NAAA: variants seen among roughly 807,000 people sequenced by gnomAD.
NAAA encodes the protein N-acylethanolamine acid amidase, also known as N-acylethanolamine-hydrolyzing acid amidase.
NAAA carries 39 observed loss-of-function variants against 44.8 expected under a neutral mutation model. The ratio of observed to expected loss-of-function variants is 0.87; its 90% confidence interval spans 0.67 to 1.14. NAAA has a LOEUF of 1.14. Ranked by LOEUF, NAAA falls within the 50% of genes most tolerant of loss-of-function variation. The pLI, the probability that NAAA is intolerant of heterozygous loss-of-function variation, is 0.00. For synonymous variants in NAAA, 178 were observed against 191.3 expected (o/e 0.93, Z 0.58); for missense variants, 460 against 467.8 (o/e 0.98, Z 0.15).
intron 1 of NAAA, 56 bp from the exon 2 acceptor site, chr4:75,940,221 C>T: frequency 6.4e-7 from 1 of 1,573,762 alleles, no homozygotes; most frequent in Non-Finnish European, 8.7e-7. Flanking sequence ...CGGCGTGCGA[C>T]TGCGTGTGCA....
At chr4:75,917,804 TA>T (rs1725771928) in intron 9 of NAAA, 1 of 418,972 alleles carries the variant, frequency 2.4e-6, no homozygotes, top group Non-Finnish European at 4.7e-6. Flanking sequence ...AAAAAGAAAT[TA>T]AAAAGAATGT....
intron 1 of NAAA, 123 bp downstream of exon 1, chr4:75,940,621 A>G: frequency 8.6e-7 from 1 of 1,159,108 alleles, no homozygotes; most frequent in Admixed American, 2.9e-5. Flanking sequence ...GGCAGCCAAA[A>G]CCAGTTCTCC....
At chr4:75,926,482 A>G (rs1726701379) in intron 4 of NAAA, among the ~76,000 whole-genome samples, 1 of 146,432 alleles carries the variant, frequency 6.8e-6, no homozygotes, top group Non-Finnish European at 1.5e-5. Context: ...AATTGCTTGA[A>G]CCTGGGAGGC....
Position 75,925,717 on chromosome 4 carries a change from C to T in NAAA, c.666+18G>A, listed in dbSNP as rs1328039738. On this transcript the variant is annotated intron_variant, in intron 5 of 10. Coordinates refer to ENST00000286733, the MANE Select transcript of NAAA (RefSeq NM_014435.4). ...GTGGAGGTGGAGTTAAGGAGGGCTC[C>T]ACATTAAATATACTCACAGCGCGGA... The T allele has an allele frequency of 2.5e-6, 4 of 1,613,240 alleles. No homozygotes were observed. The South Asian group carries it at 4.4e-5, about 18-fold the overall frequency.
chr4:75,938,896 G>A (rs1269056590), intron 2 of NAAA, among the ~76,000 whole-genome samples: 1 of 152,160 alleles, frequency 6.6e-6, no homozygotes, highest in Non-Finnish European at 1.5e-5. Context: ...CGCCCAGGCT[G>A]CAGAGTGCAA....
intron 3 of NAAA, 122 bp downstream of exon 3, chr4:75,935,987 G>T: frequency 8.6e-7 from 1 of 1,156,946 alleles, no homozygotes; most frequent in Non-Finnish European, 1.2e-6. Flanking sequence ...TGTTTTTCCA[G>T]GGGTGTGATT....
At chr4:75,939,466 T>G (rs886449766) in intron 2 of NAAA, among the ~76,000 whole-genome samples, 1 of 147,690 alleles carries the variant, frequency 6.8e-6, no homozygotes, top group African/African-American at 2.5e-5. Flanking sequence ...CCAGGGCTGG[T>G]GTGCAGTGGC....
chr4:75,917,784 A>G (rs1355748537), intron 9 of NAAA: 1 of 433,044 alleles, frequency 2.3e-6, no homozygotes, highest in East Asian at 7.1e-5. Context: ...CTTAAAAAAA[A>G]AAAAAAAAGA....
intron 1 of NAAA, 44 bp from the exon 2 acceptor site, chr4:75,940,209 G>A: frequency 1.3e-6 from 2 of 1,587,202 alleles, no homozygotes; most frequent in Non-Finnish European, 8.6e-7. Flanking sequence ...CTCAGAGGTC[G>A]GCGGCGTGCG....
At chr4:75,934,778 A>C (rs974033934) in intron 3 of NAAA, 1 of 152,352 alleles carries the variant, frequency 6.6e-6, no homozygotes, top group African/African-American at 2.4e-5. Flanking sequence ...ATTCAGTAAC[A>C]GTCACCTGAG....
intron 4 of NAAA, among the ~76,000 whole-genome samples, chr4:75,929,315 AC>A (rs1727025742): frequency 6.6e-6 from 1 of 151,690 alleles, no homozygotes; most frequent in Admixed American, 6.6e-5. Flanking sequence ...CATTGCTGGC[AC>A]CCCCCATAAT....
At chr4:75,921,274 G>C (rs906236214) in intron 5 of NAAA, 151 bp from the exon 6 acceptor site, 17 of 742,948 alleles carry the variant, frequency 2.3e-5, no homozygotes, top group Non-Finnish European at 3.4e-5. Flanking sequence ...TGTTATCAGG[G>C]CTCCTAAGAT....
intron 4 of NAAA, among the ~76,000 whole-genome samples, chr4:75,929,907 T>C (rs2149271109): frequency 6.6e-6 from 1 of 152,110 alleles, no homozygotes; most frequent in African/African-American, 2.4e-5. Flanking sequence ...CTGGCCAACA[T>C]GGTGAAAACC....
Position 75,920,718 on chromosome 4 carries a change from G to A in NAAA, c.902+20C>T. ...GACCATAAGAAAACACTGCAAACCA[G>A]AAAGCACGTAGCAGCCTACCTCCGG... On this transcript the variant is annotated intron_variant, in intron 7 of 10. Coordinates refer to ENST00000286733, the MANE Select transcript of NAAA (RefSeq NM_014435.4). 1 of 1,614,166 alleles carries A rather than the reference G, an allele frequency of 6.2e-7. No individual in the cohort carries two copies. The highest frequency in any genetic ancestry group is 8.5e-7 in the Non-Finnish European group (1 of 1,180,018).
intron 4 of NAAA, among the ~76,000 whole-genome samples, chr4:75,928,770 TA>T (rs1726962718): frequency 6.6e-6 from 1 of 150,588 alleles, no homozygotes; most frequent in Non-Finnish European, 1.5e-5. Flanking sequence ...TCATAGCAGC[TA>T]TTATCATCCC....
At chr4:75,926,799 G>A (rs982604072) in intron 4 of NAAA, among the ~76,000 whole-genome samples, 1 of 152,118 alleles carries the variant, frequency 6.6e-6, no homozygotes, top group Non-Finnish European at 1.5e-5. Flanking sequence ...GAGCCCAGGA[G>A]TTTTAGATCA....
At chr4:75,931,146 G>T in intron 4 of NAAA, 68 bp downstream of exon 4, 1 of 1,283,690 alleles carries the variant, frequency 7.8e-7, no homozygotes, top group Non-Finnish European at 1.1e-6. Context: ...TTGGGTGAGT[G>T]AAGGAAGTGC....
In NAAA at chr4:75,931,596, A is replaced by T. The variant is rs1009962449; in HGVS notation, c.499-292T>A. ...ATTTAACTCCTTCTATAATGAATGC[A>T]TGCAACAAATCACACAATCATAGTG... On this transcript the variant is annotated intron_variant, in intron 3 of 10. Transcript: ENST00000286733. 3.9e-5 allele frequency among the ~76,000 whole-genome samples: 6 copies of T among 152,342 alleles called. 1 individual carries two copies. The South Asian group carries it at 1.2e-3, about 32-fold the overall frequency.
chr4:75,911,569 T>C (rs1035812368), downstream of NAAA, among the ~76,000 whole-genome samples: 5 of 152,186 alleles, frequency 3.3e-5, no homozygotes, highest in Non-Finnish European at 7.3e-5. Flanking sequence ...ACAGTCTTTA[T>C]GCACTGAGTA....
Sources: allele counts gnomAD v4.1 joint callset (sites outside exome capture counted in the v4.1 genomes callset), GRCh38; gene constraint gnomAD v4.1.1; transcripts MANE v1.5; gene names NCBI Gene and HGNC (gene_info 2026-07-23, HGNC 2026-07-21).